KIAA2012: variants seen among roughly 807,000 people sequenced by gnomAD.
KIAA2012 encodes the protein uncharacterized protein KIAA2012.
In KIAA2012, 125 loss-of-function variants were observed where a neutral mutation model predicts 150.6. The ratio of observed to expected loss-of-function variants is 0.83; its 90% CI spans 0.72 to 0.96. The LOEUF is 0.96. Ranked by LOEUF, KIAA2012 falls within the 40% of genes least tolerant of loss-of-function variation. The probability of loss-of-function intolerance (pLI) is 0.00; values close to 1 mark genes in which losing one functional copy is unlikely to be tolerated. For missense variants in KIAA2012, 1,219 were observed against 1,354.9 expected (o/e 0.90, Z 1.57); for synonymous variants, 462 against 504.7 (o/e 0.92, Z 1.13).
intron 2 of KIAA2012, among the ~76,000 whole-genome samples, chr2:202,089,862 A>T (rs1689673798): frequency 6.6e-6 from 1 of 152,216 alleles, no homozygotes; most frequent in African/African-American, 2.4e-5. Context: ...AGGTATATAC[A>T]ATTGTCAATA....
chr2:202,098,699 T>C (rs1689958282), intron 5 of KIAA2012, among the ~76,000 whole-genome samples: 1 of 152,136 alleles, frequency 6.6e-6, no homozygotes, highest in South Asian at 2.1e-4. Context: ...TCACCTCTTC[T>C]GTAAAATGGA....
In KIAA2012 at chr2:202,147,815, G is replaced by A. The variant is rs972526851; in HGVS notation, c.1909-6858G>A. ...TTTGAGTTCAAGTTGTGAGTTAGAA[G>A]GAGCTGGGGAGTTGTTCAGATTTCC... On this transcript the variant is annotated intron_variant, in intron 13 of 23. Transcript: ENST00000498697. Among the ~76,000 whole-genome samples, 8 of 152,226 alleles carry A rather than the reference G, an allele frequency of 5.3e-5. No individual in the cohort carries two copies. The South Asian group carries it at 6.2e-4, about 12-fold the overall frequency.
intron 3 of KIAA2012, 130 bp downstream of exon 3, chr2:202,091,059 C>T: frequency 1.6e-6 from 2 of 1,228,354 alleles, no homozygotes; most frequent in South Asian, 3.4e-5. Flanking sequence ...AGCAAAGTCC[C>T]CACGCTTGGT....
chr2:202,157,098 G>T (rs1476540652), intron 14 of KIAA2012, among the ~76,000 whole-genome samples: 1 of 152,118 alleles, frequency 6.6e-6, no homozygotes, highest in Non-Finnish European at 1.5e-5. Context: ...AACTCAGCCT[G>T]CTTCCAAAGG....
chr2:202,184,796 C>T lies in KIAA2012; in HGVS notation c.2163C>T (p.Ser721=). The part of the protein sequence containing the change: ...RSMTLDSPRA[S]RTEHIQTPEA... ...TGACCCTTGACTCTCCCAGGGCTTC[C>T]CGGACTGAGCACATCCAGACCCCAG... Residue 721 remains serine, a synonymous_variant, in exon 16 of 24, where the codon TCC becomes TCT. Coordinates refer to ENST00000498697, the MANE Select transcript of KIAA2012 (RefSeq NM_001277372.4). The T allele has an allele frequency of 1.3e-6, 2 of 1,549,422 alleles. No homozygotes were observed. The highest frequency in any genetic ancestry group is 1.7e-6 in the Non-Finnish European group (2 of 1,146,524).
chr2:202,125,985 G>A (rs752389472), intron 12 of KIAA2012: 43 of 305,412 alleles, frequency 1.4e-4, no homozygotes, highest in Non-Finnish European at 1.8e-4. Context: ...ATGGAGTTTC[G>A]CTCTTGTCGC....
At chr2:202,102,217 C>T (rs1294636094) in intron 7 of KIAA2012, among the ~76,000 whole-genome samples, 2 of 151,628 alleles carry the variant, frequency 1.3e-5, no homozygotes, top group Admixed American at 1.3e-4. Context: ...TTTTGGGGGA[C>T]AGAAAAAAAA....
intron 11 of KIAA2012, among the ~76,000 whole-genome samples, chr2:202,124,610 G>C (rs775021337): frequency 3.3e-5 from 5 of 152,138 alleles, no homozygotes; most frequent in Non-Finnish European, 7.3e-5. Flanking sequence ...AACGTTAACT[G>C]TTTCATGATC....
At chr2:202,190,030 G>C (rs1692296721) in intron 18 of KIAA2012, 144 bp from the exon 19 acceptor site, 2 of 612,556 alleles carry the variant, frequency 3.3e-6, no homozygotes, top group Admixed American at 7.3e-5. Flanking sequence ...CGAGGCTGCA[G>C]TGAGCCATGA....
chr2:202,115,146 G>A (rs1439418485), intron 11 of KIAA2012: 1 of 153,208 alleles, frequency 6.5e-6, no homozygotes, highest in Admixed American at 6.6e-5. Flanking sequence ...ACAGTATACT[G>A]AAAAAAATTT....
Position 202,090,669 on chromosome 2 carries a change from G to A in KIAA2012, c.370-101G>A, listed in dbSNP as rs557463480. The A allele has an allele frequency of 3.0e-6, 4 of 1,338,096 alleles. No individual in the cohort carries two copies. In the Admixed American group the frequency reaches 1.2e-4, roughly 40 times the overall value. 82.9% of individuals were successfully genotyped at this position (1,338,096 alleles called of 1,614,324 possible). A position where few individuals can be genotyped will look rare whatever the true frequency, so the allele number is the denominator to read the frequency against. Reference sequence around the variant, plus strand: ...TTTGGTGCCTTCTGGCACCTTCTGGGAGTTTCCTGGGTTACTGATGAAGAT... The same window carrying A: ...TTTGGTGCCTTCTGGCACCTTCTGGAAGTTTCCTGGGTTACTGATGAAGAT... On this transcript the variant is annotated intron_variant, in intron 2 of 23. Coordinates refer to ENST00000498697, the MANE Select transcript of KIAA2012 (RefSeq NM_001277372.4).
intron 20 of KIAA2012, 83 bp from the exon 21 acceptor site, chr2:202,194,107 C>T: frequency 6.9e-7 from 1 of 1,449,948 alleles, no homozygotes; most frequent in South Asian, 1.3e-5. Context: ...AGAGCCTCCC[C>T]CATGGGCACT....
intron 12 of KIAA2012, 72 bp from the exon 13 acceptor site, chr2:202,138,360 G>GT (rs1559217458): frequency 1.7e-5 from 17 of 990,442 alleles, no homozygotes; most frequent in African/African-American, 8.1e-5. Flanking sequence ...GTGTGTGTAT[G>GT]GTATATATAA....
rs540098013 is a variant in KIAA2012 at position 202,196,258 on chromosome 2, G to A, written c.3188-542G>A. On this transcript the variant is annotated intron_variant, in intron 21 of 23. Coordinates refer to ENST00000498697, the MANE Select transcript of KIAA2012 (RefSeq NM_001277372.4). The stretch of plus-strand genomic sequence containing the variant: ...CGCCAAGGCTTGAGTGCAACGGCGC[G>A]ATCTCGGTTCACTGCAAGCTCCGCC... 7.1e-5 allele frequency among the ~76,000 whole-genome samples: 10 copies of A among 139,998 alleles called. No individual in the cohort carries two copies. The East Asian group carries it at 2.1e-3, about 30-fold the overall frequency. 91.8% of individuals were successfully genotyped at this position (139,998 alleles called of 152,430 possible).
chr2:202,132,762 A>ATATAGTATATATGTATATATGTATATG (rs1690976649), intron 12 of KIAA2012, among the ~76,000 whole-genome samples: 4 of 120,634 alleles, frequency 3.3e-5, no homozygotes, highest in Admixed American at 1.9e-4. Flanking sequence ...ATATGTATAT[A>ATATAGTATATATGTATATATGTATATG]TATACATATA....
intron 1 of KIAA2012, 54 bp downstream of exon 1, chr2:202,073,765 T>C: frequency 6.8e-7 from 1 of 1,473,894 alleles, no homozygotes. Context: ...AGGAATGCTC[T>C]ATGTTTCCAC....
At chr2:202,182,569 AT>A (rs1357828392) in intron 15 of KIAA2012, among the ~76,000 whole-genome samples, 1 of 152,174 alleles carries the variant, frequency 6.6e-6, no homozygotes. Flanking sequence ...GTTGATGGAC[AT>A]TTGAGCTGTT....
rs1334438047 is a variant in KIAA2012, at chr2:202,075,021, T to C, written c.215T>C (p.Ile72Thr). The change falls in exon 2 of 24, where the codon ATC becomes ACC. Residue 72 changes from isoleucine (I) to threonine (T), a missense_variant. Transcript: ENST00000498697. ...KTFSTRKGAL[I>T]LYSEGFAISA... ...TTCAGTACTAGAAAGGGTGCCCTGA[T>C]CCTGTACTCAGAAGGTTTTGCCATT... is the stretch of plus-strand genomic sequence containing the variant. 1.3e-6 allele frequency: 2 copies of C among 1,550,526 alleles called. No individual in the cohort carries two copies. Among genetic ancestry groups the C allele is most frequent in the Non-Finnish European group, 1.7e-6 (2 of 1,147,018 alleles).
At chr2:202,169,892 G>A (rs1370496996) in intron 15 of KIAA2012, among the ~76,000 whole-genome samples, 1 of 152,146 alleles carries the variant, frequency 6.6e-6, no homozygotes, top group Admixed American at 6.5e-5. Context: ...CTGGGCCTTG[G>A]TCTCCTTTCC....
Sources: allele counts gnomAD v4.1 joint callset (sites outside exome capture counted in the v4.1 genomes callset), GRCh38; gene constraint gnomAD v4.1.1; transcripts MANE v1.5; gene names NCBI Gene and HGNC (gene_info 2026-07-23, HGNC 2026-07-21).